The following SNX7 variants were observed in gnomAD, a reference collection of about 807,000 sequenced individuals.
SNX7 encodes sorting nexin 7.
In SNX7, 35 loss-of-function variants were observed where a neutral mutation model predicts 48.4. The observed-to-expected ratio is 0.72, with a 90% CI of 0.55 to 0.96. The LOEUF (loss-of-function observed/expected upper bound fraction) is 0.96. Among genes scored for constraint, SNX7 ranks in the 40% least tolerant of loss-of-function variants. The pLI is 0.00. For missense variants in SNX7, 553 were observed against 548.9 expected (o/e 1.01, Z -0.07); for synonymous variants, 190 against 190.2 (o/e 1.00, Z 0.01).
At chr1:98,741,242 G>A (rs1369067146) in intron 8 of SNX7, among the ~76,000 whole-genome samples, 1 of 152,080 alleles carries the variant, frequency 6.6e-6, no homozygotes, top group Non-Finnish European at 1.5e-5. Context: ...GGATTTACCT[G>A]TATTAAGTTC....
chr1:98,715,529 A>G (rs1187725788), intron 7 of SNX7, among the ~76,000 whole-genome samples: 1 of 152,180 alleles, frequency 6.6e-6, no homozygotes, highest in Non-Finnish European at 1.5e-5. Flanking sequence ...GCCTTATCAT[A>G]CTTTAACTTT....
chr1:98,678,539 A>C (rs1207618772), intron 1 of SNX7, among the ~76,000 whole-genome samples: 1 of 152,242 alleles, frequency 6.6e-6, no homozygotes, highest in Non-Finnish European at 1.5e-5. Context: ...AGCTCCTCGG[A>C]GAAATGTCTC....
chr1:98,756,664 A>G (rs889012089), intron 8 of SNX7, among the ~76,000 whole-genome samples: 1 of 151,596 alleles, frequency 6.6e-6, no homozygotes, highest in African/African-American at 2.4e-5. Context: ...CCCTCCGCAT[A>G]TCTCCAGAGC....
At chr1:98,718,549 G>A (rs1450409328) in intron 7 of SNX7, among the ~76,000 whole-genome samples, 1 of 151,922 alleles carries the variant, frequency 6.6e-6, no homozygotes, top group Non-Finnish European at 1.5e-5. Flanking sequence ...ACTAATTAGT[G>A]CATTGCTTAT....
chr1:98,676,771 C>T (rs1038289859), intron 1 of SNX7, among the ~76,000 whole-genome samples: 5 of 152,178 alleles, frequency 3.3e-5, no homozygotes, highest in Admixed American at 3.3e-4. Context: ...TTACATTGTA[C>T]TATATTAATG....
chr1:98,712,879 G>A (rs1652385630), intron 7 of SNX7, among the ~76,000 whole-genome samples: 1 of 152,078 alleles, frequency 6.6e-6, no homozygotes, highest in Admixed American at 6.6e-5. Flanking sequence ...ATCACCTGAG[G>A]TTGGGAGTTC....
chr1:98,713,931 A>C (rs1053061805), intron 7 of SNX7, among the ~76,000 whole-genome samples: 3 of 152,220 alleles, frequency 2.0e-5, no homozygotes, highest in African/African-American at 7.2e-5. Context: ...AAGAATTACC[A>C]AAATGTGACA....
At chr1:98,723,860 C>CA (rs934017256) in intron 7 of SNX7, among the ~76,000 whole-genome samples, 139 of 142,750 alleles carry the variant, frequency 9.7e-4, no homozygotes, top group Middle Eastern at 3.6e-3. Flanking sequence ...GACTTTGACT[C>CA]AAAAAAAAAA....
rs1650659563 is a variant in SNX7, at chr1:98,684,234, T to C, written c.181-651T>C. On this transcript the variant is annotated intron_variant, in intron 1 of 8. Transcript: ENST00000306121. ...AGATCTCCAGTTTCCAAAAAGCAGTTGGCACATTTCGTTTACCATAGTTTT... is the reference window on the plus strand; with the variant it reads ...AGATCTCCAGTTTCCAAAAAGCAGTCGGCACATTTCGTTTACCATAGTTTT... Among the ~76,000 whole-genome samples the C allele has an allele frequency of 2.6e-5, 4 of 152,220 alleles. 1 individual carries two copies. In the South Asian group the frequency reaches 8.3e-4, roughly 32 times the overall value.
chr1:98,752,584 A>G (rs1654642059), intron 8 of SNX7, among the ~76,000 whole-genome samples: 1 of 152,172 alleles, frequency 6.6e-6, no homozygotes. Context: ...TTGGAGAGCA[A>G]TAGAAACCAA....
chr1:98,752,911 C>T (rs1156949038), intron 8 of SNX7, among the ~76,000 whole-genome samples: 1 of 152,006 alleles, frequency 6.6e-6, no homozygotes, highest in Non-Finnish European at 1.5e-5. Flanking sequence ...CAAAATCATC[C>T]TTCTACTATG....
At chr1:98,672,926 G>A (rs866705981) in intron 1 of SNX7, among the ~76,000 whole-genome samples, 328 of 25,014 alleles carry the variant, frequency 0.013, 1 homozygote, top group Admixed American at 0.029. Flanking sequence ...GCGAGACTCC[G>A]TCTCAAAAAA....
At chr1:98,713,715 GTCTC>G (rs1260473689) in intron 7 of SNX7, among the ~76,000 whole-genome samples, 1 of 152,078 alleles carries the variant, frequency 6.6e-6, no homozygotes, top group African/African-American at 2.4e-5. Flanking sequence ...CAATATTATT[GTCTC>G]TCAGGGAATA....
intron 1 of SNX7, among the ~76,000 whole-genome samples, chr1:98,679,361 C>G (rs925310608): frequency 1.3e-5 from 2 of 152,116 alleles, no homozygotes; most frequent in Admixed American, 6.6e-5. Flanking sequence ...AGTTACAATT[C>G]AAGATGAGAT....
chr1:98,715,915 T>TCACA (rs370058489), intron 7 of SNX7, among the ~76,000 whole-genome samples: 3 of 151,032 alleles, frequency 2.0e-5, no homozygotes, highest in African/African-American at 7.3e-5. Flanking sequence ...TTAATCATAT[T>TCACA]CACACACACA....
intron 7 of SNX7, 99 bp from the exon 8 acceptor site, chr1:98,738,138 T>G (rs1207962445): frequency 8.1e-7 from 1 of 1,241,430 alleles, no homozygotes; most frequent in African/African-American, 1.5e-5. Flanking sequence ...AAGAGTTATA[T>G]TTAGGCTGTT....
intron 7 of SNX7, among the ~76,000 whole-genome samples, chr1:98,704,123 TCTG>T (rs1651897479): frequency 6.6e-6 from 1 of 152,142 alleles, no homozygotes; most frequent in South Asian, 2.1e-4. Flanking sequence ...TATTTTGTCT[TCTG>T]CTGTATAAAA....
chr1:98,750,709 CA>C (rs558050942), intron 8 of SNX7, among the ~76,000 whole-genome samples: 112 of 152,032 alleles, frequency 7.4e-4, no homozygotes, highest in African/African-American at 2.6e-3. Context: ...GAAAGAAAAG[CA>C]GTTAACTCAG....
At position 98,663,616 on chromosome 1, in the gene SNX7, A is replaced by G. The variant is rs142489118; in HGVS notation, c.180+1705A>G. Among the ~76,000 whole-genome samples the G allele has an allele frequency of 8.4e-3, 1,276 of 152,224 alleles. 13 individuals are homozygous for G. Among genetic ancestry groups the G allele is most frequent in the Non-Finnish European group, 0.013 (918 of 68,014 alleles). Reference sequence around the variant, plus strand: ...GAAATGACAGGTCCCGACCAGAAGCATTTCTAAATAAGCATTTCTGGTGAA... The same window carrying G: ...GAAATGACAGGTCCCGACCAGAAGCGTTTCTAAATAAGCATTTCTGGTGAA... On this transcript the variant is annotated intron_variant, in intron 1 of 8. Transcript: ENST00000306121.
Sources: allele counts gnomAD v4.1 joint callset (sites outside exome capture counted in the v4.1 genomes callset), GRCh38; gene constraint gnomAD v4.1.1; transcripts MANE v1.5; gene names NCBI Gene and HGNC (gene_info 2026-07-23, HGNC 2026-07-21).